Variants in PDE10A observed in about 807,000 individuals in gnomAD.
PDE10A encodes phosphodiesterase 10A, also known as cAMP and cAMP-inhibited cGMP 3',5'-cyclic phosphodiesterase 10A.
In PDE10A, 39 loss-of-function variants were observed where a neutral mutation model predicts 97.7. The observed-to-expected ratio is 0.40, with a 90% CI of 0.31 to 0.52. PDE10A has a LOEUF of 0.52. Among genes scored for constraint, PDE10A ranks in the 20% least tolerant of loss-of-function variants. PDE10A has a pLI of 0.56. For synonymous variants in PDE10A, 371 were observed against 376.8 expected (o/e 0.98, Z 0.18); for missense variants, 731 against 1,047.8 (o/e 0.70, Z 4.17).
intron 2 of PDE10A, among the ~76,000 whole-genome samples, chr6:165,541,400 T>C (rs113046750): frequency 4.5e-4 from 68 of 152,332 alleles, no homozygotes; most frequent in Middle Eastern, 3.4e-3. Flanking sequence ...TTAACTCTTC[T>C]GTACATGTGT....
intron 5 of PDE10A, among the ~76,000 whole-genome samples, chr6:165,445,622 A>G (rs1232688743): frequency 6.6e-6 from 1 of 152,230 alleles, no homozygotes; most frequent in Non-Finnish European, 1.5e-5. Context: ...GATTATTTTG[A>G]AATTAGTACT....
intron 1 of PDE10A, among the ~76,000 whole-genome samples, chr6:165,628,132 T>C (rs1443477217): frequency 6.6e-6 from 1 of 152,226 alleles, no homozygotes; most frequent in Non-Finnish European, 1.5e-5. Context: ...TAATGCACAG[T>C]ACAACTCCAG....
At chr6:165,559,782 T>C (rs997511799) in intron 1 of PDE10A, among the ~76,000 whole-genome samples, 4 of 152,168 alleles carry the variant, frequency 2.6e-5, no homozygotes, top group African/African-American at 4.8e-5. Context: ...GTTTCCCTAG[T>C]ACTGTTCTCG....
At chr6:165,851,803 A>G (rs1467033089) in intron 1 of PDE10A, among the ~76,000 whole-genome samples, 1 of 152,186 alleles carries the variant, frequency 6.6e-6, no homozygotes, top group Non-Finnish European at 1.5e-5. Context: ...CATTAAAAAA[A>G]ATACAGGCTG....
intron 1 of PDE10A, among the ~76,000 whole-genome samples, chr6:165,930,908 T>C (rs923495806): frequency 2.6e-5 from 4 of 152,124 alleles, no homozygotes; most frequent in Admixed American, 6.5e-5. Context: ...GCCTGGAACA[T>C]GGGAAGCCAC....
At chr6:165,665,703 A>G (rs900304905), upstream of PDE10A, among the ~76,000 whole-genome samples, 15 of 152,194 alleles carry the variant, frequency 9.9e-5, no homozygotes, top group Non-Finnish European at 1.5e-4. Flanking sequence ...AGAAAAAAAA[A>G]AAACTAAAAG....
chr6:165,347,875 T>C (rs1359828012), intron 18 of PDE10A, among the ~76,000 whole-genome samples: 1 of 152,196 alleles, frequency 6.6e-6, no homozygotes, highest in Non-Finnish European at 1.5e-5. Context: ...ACACATCACA[T>C]AGACACATTT....
chr6:165,707,071 C>G (rs768216453), intron 1 of PDE10A, among the ~76,000 whole-genome samples: 1 of 152,230 alleles, frequency 6.6e-6, no homozygotes, highest in Non-Finnish European at 1.5e-5. Flanking sequence ...AACACAGGGA[C>G]TATTTTCCCA....
At chr6:165,876,097 C>G (rs1158123162) in intron 1 of PDE10A, among the ~76,000 whole-genome samples, 1 of 152,032 alleles carries the variant, frequency 6.6e-6, no homozygotes, top group African/African-American at 2.4e-5. Context: ...TAATGAATAC[C>G]ACAAATGTTT....
At chr6:165,608,092 G>A (rs187303195) in intron 1 of PDE10A, among the ~76,000 whole-genome samples, 215 of 136,450 alleles carry the variant, frequency 1.6e-3, no homozygotes, top group African/African-American at 6.4e-3. Flanking sequence ...GTATATATAT[G>A]TGCATATATA....
chr6:165,568,029 C>G lies in PDE10A; in HGVS notation c.866-24461G>C, dbSNP rs542059557. 2.5e-4 allele frequency among the ~76,000 whole-genome samples: 32 copies of G among 127,688 alleles called. No individual in the cohort carries two copies. The Admixed American group carries it at 2.7e-3, about 11-fold the overall frequency. 83.8% of individuals were successfully genotyped at this position (127,688 alleles called of 152,430 possible). A position where few individuals can be genotyped will look rare whatever the true frequency, so the allele number is the denominator to read the frequency against. ...TTTTTTTTTTTTTGAGACGGAGTCT[C>G]GCTCTGTCGCCCAGGCTGGAGTGCA... is the stretch of plus-strand genomic sequence containing the variant. On this transcript the variant is annotated intron_variant, in intron 1 of 21. Coordinates refer to ENST00000539869, the MANE Select transcript of PDE10A (RefSeq NM_001385079.1).
intron 1 of PDE10A, among the ~76,000 whole-genome samples, chr6:165,546,284 T>A (rs566450344): frequency 6.6e-6 from 1 of 152,128 alleles, no homozygotes; most frequent in South Asian, 2.1e-4. Context: ...TATGAATAGG[T>A]AAAGTACAGG....
At chr6:165,887,335 G>C (rs1386982404) in intron 1 of PDE10A, among the ~76,000 whole-genome samples, 1 of 152,132 alleles carries the variant, frequency 6.6e-6, no homozygotes, top group African/African-American at 2.4e-5. Context: ...AGATTCTTGG[G>C]TTCTCCTTCA....
intron 1 of PDE10A, among the ~76,000 whole-genome samples, chr6:165,647,840 C>T (rs1244377719): frequency 6.6e-6 from 1 of 152,180 alleles, no homozygotes; most frequent in African/African-American, 2.4e-5. Context: ...ACTTGCTCTC[C>T]TGAAGGCACT....
intron 1 of PDE10A, among the ~76,000 whole-genome samples, chr6:165,601,567 T>C (rs947177066): frequency 1.3e-5 from 2 of 152,182 alleles, no homozygotes; most frequent in Non-Finnish European, 2.9e-5. Context: ...GTCCTTTAAA[T>C]TCCTTTCACA....
At chr6:165,930,358 G>A (rs1320571139) in intron 1 of PDE10A, among the ~76,000 whole-genome samples, 2 of 152,088 alleles carry the variant, frequency 1.3e-5, no homozygotes, top group East Asian at 3.9e-4. Context: ...GAAGAGAGAG[G>A]GTGTGGGTGG....
chr6:165,363,818 T>C (rs879322816), intron 18 of PDE10A, among the ~76,000 whole-genome samples: 7 of 152,130 alleles, frequency 4.6e-5, no homozygotes, highest in Non-Finnish European at 8.8e-5. Context: ...AATTTAACAA[T>C]AGAAGTACAA....
intron 1 of PDE10A, among the ~76,000 whole-genome samples, chr6:165,574,724 C>A (rs558449415): frequency 3.3e-5 from 5 of 152,142 alleles, no homozygotes; most frequent in African/African-American, 1.2e-4. Flanking sequence ...AGTGAGAGTG[C>A]ATTTATACCA....
chr6:165,704,063 C>T (rs1791645297), intron 1 of PDE10A, among the ~76,000 whole-genome samples: 1 of 152,220 alleles, frequency 6.6e-6, no homozygotes, highest in Admixed American at 6.5e-5. Context: ...AGGGAGTAAA[C>T]TCAACTGCAG....
Sources: gnomAD v4.1 joint callset for allele counts (sites outside exome capture counted in the v4.1 genomes callset) on GRCh38, gnomAD v4.1.1 for gene constraint, MANE v1.5 for transcripts, NCBI Gene and HGNC (gene_info 2026-07-23, HGNC 2026-07-21) for gene names.